Variants in SLAIN2 observed in about 807,000 individuals in gnomAD.
The protein encoded by SLAIN2 is SLAIN family member 2.
SLAIN2 carries 31 observed loss-of-function variants against 56.6 expected under a neutral mutation model. The observed-to-expected ratio is 0.55, with a 90% confidence interval of 0.41 to 0.74. The LOEUF (loss-of-function observed/expected upper bound fraction) is 0.74, where lower values mean the gene tolerates loss of function less well. Ranked by LOEUF, SLAIN2 falls within the 30% of genes least tolerant of loss-of-function variation. The probability of loss-of-function intolerance (pLI) is 0.00; values close to 1 mark genes in which losing one functional copy is unlikely to be tolerated. For missense variants in SLAIN2, 777 were observed against 754.2 expected (o/e 1.03, Z -0.35); for synonymous variants, 317 against 284.9 (o/e 1.11, Z -1.13).
chr4:48,363,836 G>A (rs1474514453), intron 1 of SLAIN2, among the ~76,000 whole-genome samples: 2 of 139,994 alleles, frequency 1.4e-5, no homozygotes, highest in African/African-American at 2.7e-5. Flanking sequence ...GTGGCTGGCC[G>A]GGCTGAGGGG....
At chr4:48,407,079 A>T (rs1429820302) in intron 6 of SLAIN2, among the ~76,000 whole-genome samples, 1 of 151,896 alleles carries the variant, frequency 6.6e-6, no homozygotes, top group African/African-American at 2.4e-5. Context: ...AGTTTTTTAT[A>T]TTCTGTTCTC....
intron 1 of SLAIN2, among the ~76,000 whole-genome samples, chr4:48,363,914 A>C (rs1370467690): frequency 2.0e-5 from 2 of 98,208 alleles, no homozygotes; most frequent in Non-Finnish European, 4.3e-5. Flanking sequence ...ACGGCTGGCC[A>C]GGCGGGGGGC....
chr4:48,420,051 G>A, intron 6 of SLAIN2, 74 bp from the exon 7 acceptor site: 2 of 1,437,468 alleles, frequency 1.4e-6, no homozygotes, highest in Non-Finnish European at 1.9e-6. Context: ...CCAATCATCA[G>A]TTGTAATTTA....
Position 48,420,424 on chromosome 4 carries a change from C to T in SLAIN2, c.1660C>T (p.Leu554Phe). 6.2e-7 allele frequency: 1 copy of T among 1,613,856 alleles called. No individual in the cohort carries two copies. The highest frequency in any genetic ancestry group is 1.1e-5 in the South Asian group (1 of 91,086). ...AGGIPVPRSK[L>F]AQPVRRSLPA... Reference sequence around the variant, plus strand: ...GGGCATACCAGTGCCTCGCAGCAAACTTGCACAGCCTGTTCGCAGGTAAGT... The same window carrying T: ...GGGCATACCAGTGCCTCGCAGCAAATTTGCACAGCCTGTTCGCAGGTAAGT... Residue 554 changes from leucine to phenylalanine, a missense_variant, in exon 7 of 8, where the codon CTT (leucine) becomes TTT (phenylalanine). Transcript: ENST00000264313.
intron 6 of SLAIN2, among the ~76,000 whole-genome samples, chr4:48,391,046 G>C (rs1171635873): frequency 2.0e-5 from 3 of 152,166 alleles, no homozygotes; most frequent in Non-Finnish European, 4.4e-5. Flanking sequence ...TGATTTTTCA[G>C]TGTCTTCGCA....
At chr4:48,411,691 T>G (rs913299205) in intron 6 of SLAIN2, among the ~76,000 whole-genome samples, 3 of 152,192 alleles carry the variant, frequency 2.0e-5, no homozygotes, top group African/African-American at 7.2e-5. Context: ...CATGTTCTTC[T>G]TAGACCTTAC....
chr4:48,361,319 A>T (rs1715321388), intron 1 of SLAIN2, among the ~76,000 whole-genome samples: 2 of 152,234 alleles, frequency 1.3e-5, no homozygotes, highest in African/African-American at 4.8e-5. Context: ...CTAGAAGCAA[A>T]AGTGTTGAGC....
chr4:48,396,210 A>G (rs1373191279), intron 6 of SLAIN2, among the ~76,000 whole-genome samples: 1 of 152,096 alleles, frequency 6.6e-6, no homozygotes, highest in Non-Finnish European at 1.5e-5. Context: ...CAAACTTGGA[A>G]CTGTTATGAA....
intron 1 of SLAIN2, among the ~76,000 whole-genome samples, chr4:48,358,946 C>T (rs1715243751): frequency 6.6e-6 from 1 of 151,962 alleles, no homozygotes; most frequent in African/African-American, 2.4e-5. Context: ...GTCTTGAACT[C>T]CTGACCTCGG....
chr4:48,360,830 A>G (rs932558045), intron 1 of SLAIN2, among the ~76,000 whole-genome samples: 1 of 152,178 alleles, frequency 6.6e-6, no homozygotes, highest in Non-Finnish European at 1.5e-5. Flanking sequence ...AGATTTGCCT[A>G]TTCTAGACAT....
In SLAIN2 at chr4:48,382,936, G is replaced by A; in HGVS notation, c.1222+9G>A. The A allele has an allele frequency of 6.3e-7, 1 of 1,583,656 alleles. No individual in the cohort carries two copies. Among genetic ancestry groups the A allele is most frequent in the Non-Finnish European group, 8.6e-7 (1 of 1,162,472 alleles). On this transcript the variant is annotated intron_variant, in intron 5 of 7. Transcript: ENST00000264313. ...CAATGTTAAAAATGAAGGTAAAATA[G>A]CAGATTTTACTAATAATTAGACAGT...
intron 1 of SLAIN2, among the ~76,000 whole-genome samples, chr4:48,368,652 A>G (rs780881626): frequency 3.3e-5 from 5 of 152,212 alleles, no homozygotes; most frequent in African/African-American, 7.2e-5. Flanking sequence ...TCTTTGCAGT[A>G]TTTAAATTGG....
At chr4:48,421,955 G>C in intron 7 of SLAIN2, 56 bp from the exon 8 acceptor site, 1 of 1,289,510 alleles carries the variant, frequency 7.8e-7, no homozygotes. Context: ...AGATAGTATG[G>C]TACTATTTCA....
At chr4:48,389,425 C>G (rs1716177650) in intron 6 of SLAIN2, among the ~76,000 whole-genome samples, 1 of 152,132 alleles carries the variant, frequency 6.6e-6, no homozygotes, top group African/African-American at 2.4e-5. Flanking sequence ...TGGTCAGTCA[C>G]TTATGTGTTC....
At chr4:48,383,506 A>T in intron 5 of SLAIN2, 141 bp from the exon 6 acceptor site, 100 of 732,132 alleles carry the variant, frequency 1.4e-4, no homozygotes, top group East Asian at 1.9e-4. Flanking sequence ...TGTTTTTTTT[A>T]ATAAGACAAG....
rs1294564491 is a variant in SLAIN2, at chr4:48,423,145, A to G, written c.*1068A>G. ...ATGGCATAACGGTCTATTATGTGGT[A>G]GGAAAATATAGCCTGCTAAATCCTA... On this transcript the variant is annotated 3_prime_UTR_variant, in exon 8 of 8. Transcript: ENST00000264313. 2 of 152,216 alleles carry G rather than the reference A, an allele frequency of 1.3e-5. No individual in the cohort carries two copies. The highest frequency in any genetic ancestry group is 6.5e-5 in the Admixed American group (1 of 15,278). The allele number at this position is 152,216 out of a possible 1,614,324, so 9.4% of individuals were successfully genotyped here.
At chr4:48,371,994 G>GCACACA (rs571522686) in intron 2 of SLAIN2, among the ~76,000 whole-genome samples, 1 of 139,128 alleles carries the variant, frequency 7.2e-6, no homozygotes, top group Non-Finnish European at 1.6e-5. Context: ...ACACACGCGC[G>GCACACA]CACACACACA....
In SLAIN2 at chr4:48,382,908, A is replaced by G; in HGVS notation, c.1203A>G (p.Thr401=). The G allele has an allele frequency of 6.2e-7, 1 of 1,607,340 alleles. No homozygotes were observed. The highest frequency in any genetic ancestry group is 1.7e-4 in the Middle Eastern group (1 of 6,044). ...AAGGCCATCCCACAGATTTACAGAC[A>G]AGCAATGTTAAAAATGAAGGTAAAA... ...SLQGHPTDLQ[T]SNVKNEEKLR... Residue 401 remains threonine (T), a synonymous_variant, in exon 5 of 8, where the codon ACA becomes ACG. Transcript: ENST00000264313.
At chr4:48,354,349 G>A (rs1292972383) in intron 1 of SLAIN2, among the ~76,000 whole-genome samples, 1 of 152,176 alleles carries the variant, frequency 6.6e-6, no homozygotes, top group African/African-American at 2.4e-5. Context: ...AGAAAAAACT[G>A]ATGGGAAAGG....
Sources: gnomAD v4.1 joint callset for allele counts (sites outside exome capture counted in the v4.1 genomes callset) on GRCh38, gnomAD v4.1.1 for gene constraint, MANE v1.5 for transcripts, NCBI Gene and HGNC (gene_info 2026-07-23, HGNC 2026-07-21) for gene names.